The following CNTN5 variants were observed in gnomAD, a reference collection of about 807,000 sequenced individuals.
CNTN5 encodes the protein contactin 5.
Under a neutral mutation model 129.1 loss-of-function variants are expected in CNTN5, and 77 were observed. That is an observed-to-expected ratio of 0.60 (90% CI 0.50 to 0.72). CNTN5 has a LOEUF of 0.72. CNTN5 is among the 30% of genes least tolerant of loss of function. The pLI is 0.00. For synonymous variants in CNTN5, 509 were observed against 465.6 expected (o/e 1.09, Z -1.20); for missense variants, 1,478 against 1,328.8 (o/e 1.11, Z -1.75).
At chr11:99,185,453 A>C (rs1858295571) in intron 1 of CNTN5, among the ~76,000 whole-genome samples, 1 of 151,954 alleles carries the variant, frequency 6.6e-6, no homozygotes, top group Admixed American at 6.6e-5. Context: ...CTAATTCCTT[A>C]AAAAATAAAA....
chr11:100,258,626 C>CCAACACT (rs1555051675), intron 17 of CNTN5, among the ~76,000 whole-genome samples: 133 of 151,780 alleles, frequency 8.8e-4, no homozygotes, highest in Middle Eastern at 3.4e-3. Context: ...AGAGTGGGGG[C>CCAACACT]CAACATTCAA....
intron 1 of CNTN5, among the ~76,000 whole-genome samples, chr11:99,256,494 C>A (rs1056956626): frequency 6.6e-6 from 1 of 151,560 alleles, no homozygotes; most frequent in East Asian, 1.9e-4. Context: ...GATTGTAAAG[C>A]CTTTTAGTTA....
intron 3 of CNTN5, among the ~76,000 whole-genome samples, chr11:99,597,368 T>C (rs534349724): frequency 6.6e-6 from 1 of 152,296 alleles, no homozygotes; most frequent in East Asian, 1.9e-4. Flanking sequence ...GAGTAGTCTC[T>C]AGTAGAATAG....
At chr11:99,052,746 A>G (rs1218751248) in intron 1 of CNTN5, among the ~76,000 whole-genome samples, 5 of 151,866 alleles carry the variant, frequency 3.3e-5, no homozygotes, top group Non-Finnish European at 7.4e-5. Flanking sequence ...TTGGATGAAG[A>G]GTGGAAAGTA....
At chr11:100,001,380 G>C (rs1189985722) in intron 8 of CNTN5, among the ~76,000 whole-genome samples, 1 of 152,106 alleles carries the variant, frequency 6.6e-6, no homozygotes, top group African/African-American at 2.4e-5. Context: ...CGTGCCTCTC[G>C]ACATACGCAG....
In CNTN5 at chr11:100,288,560, C is replaced by T. The variant is rs1463770060; in HGVS notation, c.2315-9065C>T. On this transcript the variant is annotated intron_variant, in intron 18 of 24. Transcript: ENST00000524871. Reference sequence around the variant, plus strand: ...AAATAAAGATGTTCTTTGAAACCAACGAGAACAAAGACACAACATACCAGA... The same window carrying T: ...AAATAAAGATGTTCTTTGAAACCAATGAGAACAAAGACACAACATACCAGA... 1.5e-3 allele frequency among the ~76,000 whole-genome samples: 220 copies of T among 151,622 alleles called. 3 individuals are homozygous for T. The highest frequency in any genetic ancestry group is 0.014 in the South Asian group (66 of 4,764).
At chr11:100,172,035 C>A (rs1947842911) in intron 13 of CNTN5, among the ~76,000 whole-genome samples, 1 of 151,766 alleles carries the variant, frequency 6.6e-6, no homozygotes, top group Admixed American at 6.6e-5. Flanking sequence ...CCATATGTAC[C>A]TAAAACAGTG....
chr11:99,870,535 CT>C (rs374816549), intron 6 of CNTN5, among the ~76,000 whole-genome samples: 3 of 152,120 alleles, frequency 2.0e-5, no homozygotes, highest in South Asian at 2.1e-4. Context: ...ACAAATACAT[CT>C]TTTTTTACTG....
At chr11:99,494,301 C>G (rs1373419209) in intron 2 of CNTN5, among the ~76,000 whole-genome samples, 1 of 152,160 alleles carries the variant, frequency 6.6e-6, no homozygotes, top group Non-Finnish European at 1.5e-5. Context: ...AATGGAGTTG[C>G]AATACCCTTT....
intron 18 of CNTN5, among the ~76,000 whole-genome samples, chr11:100,271,899 T>C (rs1950414499): frequency 6.6e-6 from 1 of 152,058 alleles, no homozygotes; most frequent in South Asian, 2.1e-4. Context: ...TGCAGAAAAA[T>C]AAAGAAATAA....
intron 1 of CNTN5, among the ~76,000 whole-genome samples, chr11:99,079,246 G>T (rs1001524935): frequency 2.6e-5 from 4 of 152,104 alleles, no homozygotes; most frequent in Non-Finnish European, 4.4e-5. Context: ...AGGATTCTAA[G>T]ATTCATCCTG....
chr11:99,940,562 T>C (rs1262960330), intron 7 of CNTN5, among the ~76,000 whole-genome samples: 1 of 152,172 alleles, frequency 6.6e-6, no homozygotes, highest in Non-Finnish European at 1.5e-5. Context: ...ATCAACATTA[T>C]TAGTATCCCC....
At chr11:99,984,929 T>C (rs1938576977) in intron 8 of CNTN5, among the ~76,000 whole-genome samples, 1 of 152,118 alleles carries the variant, frequency 6.6e-6, no homozygotes, top group South Asian at 2.1e-4. Context: ...AGGGAGCATG[T>C]GAGTAAGTGA....
chr11:100,126,159 C>G (rs1480931268), intron 13 of CNTN5, among the ~76,000 whole-genome samples: 3 of 151,908 alleles, frequency 2.0e-5, no homozygotes, highest in Non-Finnish European at 4.4e-5. Flanking sequence ...CACTGTGACC[C>G]AAGAGTATGG....
At chr11:99,683,391 T>C (rs1953646102) in intron 3 of CNTN5, among the ~76,000 whole-genome samples, 1 of 151,906 alleles carries the variant, frequency 6.6e-6, no homozygotes, top group Non-Finnish European at 1.5e-5. Context: ...CTTGAAAAGA[T>C]TGTCTTTTCC....
intron 20 of CNTN5, among the ~76,000 whole-genome samples, chr11:100,305,977 T>A (rs947250335): frequency 6.7e-6 from 1 of 148,948 alleles, no homozygotes; most frequent in Admixed American, 6.7e-5. Flanking sequence ...ACAAAAAAAA[T>A]CTCGTAACGC....
chr11:99,897,144 G>A (rs1328542383), intron 6 of CNTN5, among the ~76,000 whole-genome samples: 1 of 152,046 alleles, frequency 6.6e-6, no homozygotes, highest in East Asian at 1.9e-4. Context: ...AAACCTTTGA[G>A]AAATAAGAGA....
intron 4 of CNTN5, among the ~76,000 whole-genome samples, chr11:99,838,242 A>G (rs1335196041): frequency 6.6e-6 from 1 of 152,164 alleles, no homozygotes; most frequent in Non-Finnish European, 1.5e-5. Flanking sequence ...TCCCACAGAT[A>G]TTTTTGGAAA....
intron 1 of CNTN5, among the ~76,000 whole-genome samples, chr11:99,310,726 T>C (rs992276063): frequency 1.3e-5 from 2 of 152,162 alleles, no homozygotes; most frequent in African/African-American, 4.8e-5. Flanking sequence ...GCAACAATGA[T>C]GGGTTTGGCA....
Sources: gnomAD v4.1 joint callset for allele counts (sites outside exome capture counted in the v4.1 genomes callset) on GRCh38, gnomAD v4.1.1 for gene constraint, MANE v1.5 for transcripts, NCBI Gene and HGNC (gene_info 2026-07-23, HGNC 2026-07-21) for gene names.